Variants in PPP2R5E observed in about 807,000 individuals in gnomAD.
PPP2R5E encodes serine/threonine-protein phosphatase 2A 56 kDa regulatory subunit epsilon isoform.
In PPP2R5E, 4 loss-of-function variants were observed where a neutral mutation model predicts 65.3. The observed-to-expected ratio is 0.06, with a 90% CI of 0.03 to 0.14. The LOEUF (loss-of-function observed/expected upper bound fraction) is 0.14. PPP2R5E is among the 10% of genes least tolerant of loss of function. PPP2R5E has a pLI of 1.00. For synonymous variants in PPP2R5E, 183 were observed against 187.4 expected (o/e 0.98, Z 0.19); for missense variants, 274 against 556.1 (o/e 0.49, Z 5.10).
At chr14:63,405,969 T>A (rs1886055737) in intron 5 of PPP2R5E, among the ~76,000 whole-genome samples, 2 of 152,148 alleles carry the variant, frequency 1.3e-5, no homozygotes, top group Non-Finnish European at 2.9e-5. Flanking sequence ...TCCAAACACT[T>A]AAGTGAGTAC....
chr14:63,437,993 T>C (rs1380391001), intron 3 of PPP2R5E, among the ~76,000 whole-genome samples: 1 of 152,186 alleles, frequency 6.6e-6, no homozygotes, highest in South Asian at 2.1e-4. Context: ...TTCTACTCTA[T>C]AGTCTAGTGT....
At chr14:63,536,806 G>A (rs1893683571) in intron 2 of PPP2R5E, among the ~76,000 whole-genome samples, 1 of 152,164 alleles carries the variant, frequency 6.6e-6, no homozygotes, top group Admixed American at 6.5e-5. Context: ...ACTTATAGGA[G>A]GTACCTAGAG....
intron 2 of PPP2R5E, among the ~76,000 whole-genome samples, chr14:63,484,347 TCACACACACACACACACACA>T (rs199749451): frequency 1.4e-5 from 2 of 139,596 alleles, no homozygotes; most frequent in East Asian, 2.1e-4. Flanking sequence ...TCTCTCTCTC[TCACACACACACACACACACA>T]CACACACACA....
intron 4 of PPP2R5E, among the ~76,000 whole-genome samples, chr14:63,417,489 GAA>G (rs61229217): frequency 3.3e-5 from 4 of 121,412 alleles, no homozygotes; most frequent in Admixed American, 8.6e-5. Flanking sequence ...TCATGAGGAG[GAA>G]AAAAAAAAAA....
intron 5 of PPP2R5E, among the ~76,000 whole-genome samples, chr14:63,402,313 C>T (rs1299812198): frequency 6.6e-6 from 1 of 152,182 alleles, no homozygotes; most frequent in Non-Finnish European, 1.5e-5. Context: ...TCAAAGTCAC[C>T]AGTTGCCAAG....
At chr14:63,453,539 G>A (rs1295038155) in intron 3 of PPP2R5E, 150 bp downstream of exon 3, 2 of 621,222 alleles carry the variant, frequency 3.2e-6, no homozygotes, top group Admixed American at 3.5e-5. Flanking sequence ...TCAAATTCTA[G>A]CACTGTGCCG....
At chr14:63,501,336 C>T (rs10220496) in intron 2 of PPP2R5E, among the ~76,000 whole-genome samples, 20,024 of 149,676 alleles carry the variant, frequency 0.13, 1,441 homozygotes, top group African/African-American at 0.17. Context: ...ACCCGGGAGG[C>T]GGAGCTTGCA....
chr14:63,416,907 T>G (rs1225097659), intron 4 of PPP2R5E, among the ~76,000 whole-genome samples: 2 of 152,132 alleles, frequency 1.3e-5, no homozygotes, highest in Non-Finnish European at 2.9e-5. Flanking sequence ...CAGGGAGATC[T>G]CCATCAAAAA....
chr14:63,537,609 G>A (rs1447406088), intron 2 of PPP2R5E, among the ~76,000 whole-genome samples: 1 of 152,032 alleles, frequency 6.6e-6, no homozygotes, highest in African/African-American at 2.4e-5. Flanking sequence ...GTATTCATAT[G>A]GAAAAAATAG....
chr14:63,438,276 T>C (rs957546116), intron 3 of PPP2R5E, among the ~76,000 whole-genome samples: 3 of 152,196 alleles, frequency 2.0e-5, no homozygotes, highest in African/African-American at 7.2e-5. Context: ...AATCAGCCAA[T>C]AAATCCCTCT....
rs991975036 is a variant in PPP2R5E, at chr14:63,418,755, G to A, written c.456+3238C>T. ...AATAACATACAGAGTAGACCCCTTT[G>A]ACATATTTGAACTAAAAATTATTCT... On this transcript the variant is annotated intron_variant, in intron 4 of 13. Coordinates refer to ENST00000337537, the MANE Select transcript of PPP2R5E (RefSeq NM_006246.5). Among the ~76,000 whole-genome samples the A allele has an allele frequency of 5.9e-4, 89 of 151,106 alleles. 1 individual carries two copies. Among genetic ancestry groups the A allele is most frequent in the African/African-American group, 2.1e-3 (85 of 41,142 alleles).
intron 2 of PPP2R5E, among the ~76,000 whole-genome samples, chr14:63,469,121 T>C (rs895599373): frequency 6.6e-6 from 1 of 152,210 alleles, no homozygotes; most frequent in Non-Finnish European, 1.5e-5. Context: ...ACTTTTTACA[T>C]GCCAGGCACT....
chr14:63,430,470 A>G (rs2139920715), intron 3 of PPP2R5E, among the ~76,000 whole-genome samples: 1 of 151,242 alleles, frequency 6.6e-6, no homozygotes, highest in South Asian at 2.1e-4. Flanking sequence ...TTCTAACCAA[A>G]TTTTCTAACA....
intron 1 of PPP2R5E, among the ~76,000 whole-genome samples, chr14:63,542,275 C>T (rs1893932136): frequency 6.6e-6 from 1 of 152,170 alleles, no homozygotes; most frequent in South Asian, 2.1e-4. Flanking sequence ...AGGTTTCGCC[C>T]TGGGCCAGGG....
chr14:63,422,383 G>T (rs879813340), intron 3 of PPP2R5E, among the ~76,000 whole-genome samples: 1 of 152,086 alleles, frequency 6.6e-6, no homozygotes, highest in Non-Finnish European at 1.5e-5. Context: ...GCCTGCTCTT[G>T]GTTACTTACC....
At chr14:63,533,054 T>C (rs1472641258) in intron 2 of PPP2R5E, among the ~76,000 whole-genome samples, 1 of 152,092 alleles carries the variant, frequency 6.6e-6, no homozygotes, top group Non-Finnish European at 1.5e-5. Flanking sequence ...AGGCTGGCCT[T>C]GAACTCCTGG....
At chr14:63,522,063 C>T (rs1024559963) in intron 2 of PPP2R5E, among the ~76,000 whole-genome samples, 3 of 146,632 alleles carry the variant, frequency 2.0e-5, no homozygotes, top group African/African-American at 7.5e-5. Context: ...CCTGCCTCAG[C>T]TTGCCGAGTG....
chr14:63,480,276 G>A (rs1268938587), intron 2 of PPP2R5E, among the ~76,000 whole-genome samples: 2 of 152,056 alleles, frequency 1.3e-5, no homozygotes, highest in African/African-American at 4.8e-5. Flanking sequence ...TGGCCAACAT[G>A]GTGAAACTCT....
chr14:63,401,438 G>T (rs1244194497), intron 5 of PPP2R5E, among the ~76,000 whole-genome samples: 2 of 152,172 alleles, frequency 1.3e-5, no homozygotes, highest in Non-Finnish European at 2.9e-5. Context: ...TTTCCAAGGT[G>T]ATTACAGAGC....
Sources: gnomAD v4.1 joint callset for allele counts (sites outside exome capture counted in the v4.1 genomes callset) on GRCh38, gnomAD v4.1.1 for gene constraint, MANE v1.5 for transcripts, NCBI Gene and HGNC (gene_info 2026-07-23, HGNC 2026-07-21) for gene names.